Variants in ZNF438 observed in about 807,000 individuals in gnomAD.
The protein encoded by ZNF438 is zinc finger protein 438.
Under a neutral mutation model 38.0 loss-of-function variants are expected in ZNF438, and 25 were observed. The ratio of observed to expected loss-of-function variants is 0.66; its 90% CI spans 0.48 to 0.92. ZNF438 has a LOEUF of 0.92. Ranked by LOEUF, ZNF438 falls within the 40% of genes least tolerant of loss-of-function variation. The probability of loss-of-function intolerance (pLI) is 0.00; values close to 1 mark genes in which losing one functional copy is unlikely to be tolerated. For missense variants in ZNF438, 1,007 were observed against 999.6 expected, an observed-to-expected ratio of 1.01 and a Z score of -0.10; for synonymous variants, 372 against 364.1, an observed-to-expected ratio of 1.02 and a Z score of -0.25.
intron 4 of ZNF438, among the ~76,000 whole-genome samples, chr10:30,869,579 T>C (rs1281678171): frequency 6.6e-6 from 1 of 152,218 alleles, no homozygotes; most frequent in Non-Finnish European, 1.5e-5. Flanking sequence ...TCTACAGGCA[T>C]GTGTGTGTTT....
intron 1 of ZNF438, among the ~76,000 whole-genome samples, chr10:30,971,918 T>C (rs1362442076): frequency 6.6e-6 from 1 of 152,094 alleles, no homozygotes; most frequent in African/African-American, 2.4e-5. Context: ...TCCCCTTAAA[T>C]TTTGTATGTG....
intron 1 of ZNF438, among the ~76,000 whole-genome samples, chr10:30,977,754 G>A (rs942764351): frequency 5.3e-5 from 8 of 152,116 alleles, no homozygotes; most frequent in African/African-American, 1.9e-4. Context: ...GGAGGCCGAG[G>A]CTAGCGGATC....
At chr10:30,853,306 T>C (rs1223346211) in intron 4 of ZNF438, among the ~76,000 whole-genome samples, 1 of 152,258 alleles carries the variant, frequency 6.6e-6, no homozygotes, top group East Asian at 1.9e-4. Flanking sequence ...ACAAGATCTA[T>C]GACTTCCTCA....
chr10:30,973,270 T>C lies in ZNF438; in HGVS notation c.-191-31619A>G, dbSNP rs75475366. Among the ~76,000 whole-genome samples, 811 of 152,314 alleles carry C rather than the reference T, an allele frequency of 5.3e-3. 6 individuals are homozygous for C. The highest frequency in any genetic ancestry group is 0.019 in the African/African-American group (778 of 41,554). ...GGCACTCTAGTTACCTATTTATTCA[T>C]ATCCCTCAGGACTATAAATGCCTTG... On this transcript the variant is annotated intron_variant, in intron 1 of 5. Coordinates refer to ENST00000413025, the Ensembl canonical transcript of ZNF438.
chr10:30,917,223 C>A (rs534086644), intron 2 of ZNF438, among the ~76,000 whole-genome samples: 1 of 152,080 alleles, frequency 6.6e-6, no homozygotes, highest in African/African-American at 2.4e-5. Context: ...TAACCACAGT[C>A]TGTTTATCCA....
At chr10:30,947,386 G>C (rs1268889384) in intron 1 of ZNF438, among the ~76,000 whole-genome samples, 1 of 152,264 alleles carries the variant, frequency 6.6e-6, no homozygotes, top group Non-Finnish European at 1.5e-5. Context: ...GTAAAGGGAA[G>C]TGGAATTCTG....
chr10:30,887,800 A>C (rs1167481945), intron 3 of ZNF438, among the ~76,000 whole-genome samples: 1 of 152,160 alleles, frequency 6.6e-6, no homozygotes, highest in African/African-American at 2.4e-5. Context: ...ATATCATCTC[A>C]AAAGTCCCCT....
intron 4 of ZNF438, among the ~76,000 whole-genome samples, chr10:30,850,819 G>A (rs908405713): frequency 1.3e-5 from 2 of 152,032 alleles, no homozygotes; most frequent in African/African-American, 4.8e-5. Flanking sequence ...GCTTTGTGAG[G>A]GTACAGCCTA....
intron 1 of ZNF438, among the ~76,000 whole-genome samples, chr10:31,029,506 G>A (rs188204733): frequency 3.4e-4 from 51 of 152,028 alleles, no homozygotes; most frequent in African/African-American, 1.1e-3. Context: ...CTCGTTTCCC[G>A]TCAGCTCTAC....
chr10:30,901,690 G>C (rs915684698), intron 3 of ZNF438, among the ~76,000 whole-genome samples: 1 of 151,602 alleles, frequency 6.6e-6, no homozygotes, highest in African/African-American at 2.4e-5. Context: ...CTCACCGCTT[G>C]GCGATAGGCG....
intron 1 of ZNF438, among the ~76,000 whole-genome samples, chr10:30,984,109 T>C (rs1012530870): frequency 1.2e-4 from 19 of 152,180 alleles, no homozygotes; most frequent in African/African-American, 9.6e-5. Flanking sequence ...GCCATACTTC[T>C]ATGTCTTATA....
At chr10:30,853,779 T>C (rs929391119) in intron 4 of ZNF438, among the ~76,000 whole-genome samples, 5 of 148,602 alleles carry the variant, frequency 3.4e-5, no homozygotes, top group Non-Finnish European at 7.5e-5. Context: ...GGCAGATCAC[T>C]TGAGGTCAGG....
At chr10:31,005,864 GATAT>G (rs1265248192) in intron 1 of ZNF438, among the ~76,000 whole-genome samples, 1 of 152,190 alleles carries the variant, frequency 6.6e-6, no homozygotes, top group Non-Finnish European at 1.5e-5. Flanking sequence ...TATTGTGAAA[GATAT>G]GCATATATGA....
chr10:30,846,812 C>G (rs1054341642), intron 5 of ZNF438, among the ~76,000 whole-genome samples: 1 of 152,176 alleles, frequency 6.6e-6, no homozygotes, highest in Non-Finnish European at 1.5e-5. Flanking sequence ...CCTTTCCCCC[C>G]ACGGGCTCAA....
At chr10:31,019,368 G>T (rs2056430049) in intron 1 of ZNF438, among the ~76,000 whole-genome samples, 1 of 152,130 alleles carries the variant, frequency 6.6e-6, no homozygotes, top group African/African-American at 2.4e-5. Flanking sequence ...AAACTATAAT[G>T]CTAATGAAAG....
At chr10:30,910,848 A>G (rs911422797) in intron 2 of ZNF438, among the ~76,000 whole-genome samples, 1 of 152,110 alleles carries the variant, frequency 6.6e-6, no homozygotes, top group East Asian at 1.9e-4. Context: ...AAGCTATCAT[A>G]TTCAATATAT....
At chr10:30,993,973 T>C (rs2053789446) in intron 1 of ZNF438, among the ~76,000 whole-genome samples, 1 of 152,256 alleles carries the variant, frequency 6.6e-6, no homozygotes, top group Non-Finnish European at 1.5e-5. Context: ...ATGGGATCTG[T>C]TACTCCTTAA....
chr10:31,009,025 T>C (rs2133030235), intron 1 of ZNF438, among the ~76,000 whole-genome samples: 1 of 152,324 alleles, frequency 6.6e-6, no homozygotes, highest in South Asian at 2.1e-4. Flanking sequence ...TTGAGCATCT[T>C]TTCGTGTGCT....
intron 1 of ZNF438, among the ~76,000 whole-genome samples, chr10:30,998,887 A>C (rs1220003836): frequency 6.6e-6 from 1 of 152,222 alleles, no homozygotes; most frequent in Non-Finnish European, 1.5e-5. Flanking sequence ...AATTTATAAA[A>C]AGATTTCTCT....
Sources: gnomAD v4.1 joint callset for allele counts (sites outside exome capture counted in the v4.1 genomes callset) on GRCh38, gnomAD v4.1.1 for gene constraint, MANE v1.5 for transcripts, NCBI Gene and HGNC (gene_info 2026-07-23, HGNC 2026-07-21) for gene names.